ARHGAP24: variants seen among roughly 807,000 people sequenced by gnomAD.
ARHGAP24 encodes rho GTPase-activating protein 24.
Under a neutral mutation model 76.4 loss-of-function variants are expected in ARHGAP24, and 50 were observed. The observed-to-expected ratio is 0.65, with a 90% confidence interval of 0.52 to 0.83. ARHGAP24 has a LOEUF of 0.83. ARHGAP24 is among the 40% of genes least tolerant of loss of function. ARHGAP24 has a pLI of 0.00. For synonymous variants in ARHGAP24, 345 were observed against 323.3 expected (o/e 1.07, Z -0.72); for missense variants, 930 against 914.2 (o/e 1.02, Z -0.22).
intron 1 of ARHGAP24, among the ~76,000 whole-genome samples, chr4:85,501,979 A>G (rs1397709251): frequency 6.6e-6 from 1 of 152,156 alleles, no homozygotes; most frequent in Non-Finnish European, 1.5e-5. Context: ...TTAAATAGGG[A>G]ATCCTTTCCC....
At chr4:85,665,394 C>G (rs945890424) in intron 2 of ARHGAP24, among the ~76,000 whole-genome samples, 20 of 152,078 alleles carry the variant, frequency 1.3e-4, no homozygotes, top group East Asian at 1.9e-4. Flanking sequence ...CTTTTATTTT[C>G]AGCCTATGTG....
At chr4:85,765,606 G>T (rs1181611459) in intron 3 of ARHGAP24, among the ~76,000 whole-genome samples, 1 of 152,006 alleles carries the variant, frequency 6.6e-6, no homozygotes, top group Non-Finnish European at 1.5e-5. Context: ...TATTAAGAAA[G>T]AATATAATTA....
chr4:85,477,080 A>G (rs1227146267), intron 1 of ARHGAP24, among the ~76,000 whole-genome samples: 2 of 152,192 alleles, frequency 1.3e-5, no homozygotes, highest in Non-Finnish European at 2.9e-5. Context: ...CACAGGCAGT[A>G]TATTCTTGGT....
intron 1 of ARHGAP24, among the ~76,000 whole-genome samples, chr4:85,531,239 G>C (rs545953455): frequency 1.3e-5 from 2 of 151,944 alleles, no homozygotes; most frequent in Non-Finnish European, 2.9e-5. Flanking sequence ...TATGGGAGAG[G>C]ACATTATTGT....
chr4:85,526,517 T>C (rs1040383853), intron 1 of ARHGAP24, among the ~76,000 whole-genome samples: 8 of 152,036 alleles, frequency 5.3e-5, no homozygotes, highest in South Asian at 2.1e-4. Context: ...TGTTATATAC[T>C]AATGGTATGG....
chr4:85,731,854 C>T (rs549253894), intron 3 of ARHGAP24, among the ~76,000 whole-genome samples: 1 of 152,088 alleles, frequency 6.6e-6, no homozygotes, highest in African/African-American at 2.4e-5. Flanking sequence ...CACTAAGTAC[C>T]CCATAAATAT....
intron 2 of ARHGAP24, among the ~76,000 whole-genome samples, chr4:85,632,528 A>G (rs1250486744): frequency 6.6e-6 from 1 of 151,078 alleles, no homozygotes; most frequent in Non-Finnish European, 1.5e-5. Flanking sequence ...AAGGTAGCTT[A>G]TACATACTTG....
intron 2 of ARHGAP24, among the ~76,000 whole-genome samples, chr4:85,572,159 T>C (rs373436395): frequency 2.6e-5 from 4 of 152,358 alleles, no homozygotes; most frequent in African/African-American, 9.6e-5. Context: ...GGTTCTTTTC[T>C]AATTGCACCT....
chr4:85,643,802 C>G (rs1163130986), intron 2 of ARHGAP24, among the ~76,000 whole-genome samples: 1 of 152,064 alleles, frequency 6.6e-6, no homozygotes, highest in Non-Finnish European at 1.5e-5. Flanking sequence ...GTGAATGAAT[C>G]AATCAGTGAG....
intron 5 of ARHGAP24, among the ~76,000 whole-genome samples, chr4:85,967,485 T>G (rs1342053348): frequency 6.6e-6 from 1 of 152,070 alleles, no homozygotes; most frequent in Non-Finnish European, 1.5e-5. Flanking sequence ...AATTCTCCCT[T>G]TAAGTTTGTA....
chr4:85,552,215 T>C (rs1007505473), intron 1 of ARHGAP24, among the ~76,000 whole-genome samples: 4 of 152,184 alleles, frequency 2.6e-5, no homozygotes, highest in African/African-American at 9.7e-5. Context: ...CATTCTGGCA[T>C]GTTGTATCTT....
At chr4:85,647,543 T>TA (rs2109976883) in intron 2 of ARHGAP24, among the ~76,000 whole-genome samples, 1 of 152,230 alleles carries the variant, frequency 6.6e-6, no homozygotes, top group South Asian at 2.1e-4. Context: ...GCCTAACACT[T>TA]ACTTGTTACC....
chr4:85,635,892 C>T (rs571748977), intron 2 of ARHGAP24, among the ~76,000 whole-genome samples: 153 of 151,952 alleles, frequency 1.0e-3, no homozygotes, highest in African/African-American at 3.5e-3. Flanking sequence ...AATTTCCCTA[C>T]GCATTTCCTT....
In ARHGAP24 at chr4:85,703,264, A is replaced by G. The variant is rs574304595; in HGVS notation, c.181-18621A>G. Among the ~76,000 whole-genome samples, 4 of 152,292 alleles carry G rather than the reference A, an allele frequency of 2.6e-5. No homozygotes were observed. The South Asian group carries it at 6.2e-4, about 24-fold the overall frequency. ...TTCCCATTCTACAAATATTTTTAGT[A>G]CGTGTCATGTGAAAGGCACTACTGT... On this transcript the variant is annotated intron_variant, in intron 2 of 9. Coordinates refer to ENST00000395184, the MANE Select transcript of ARHGAP24 (RefSeq NM_001025616.3).
intron 1 of ARHGAP24, among the ~76,000 whole-genome samples, chr4:85,564,834 C>CTG (rs139700231): frequency 0.057 from 8,493 of 148,472 alleles, 809 homozygotes; most frequent in African/African-American, 0.2. Context: ...TCACCTCCTG[C>CTG]TGTGTGGCCC....
intron 3 of ARHGAP24, among the ~76,000 whole-genome samples, chr4:85,851,978 G>A (rs1731261467): frequency 6.6e-6 from 1 of 152,104 alleles, no homozygotes; most frequent in South Asian, 2.1e-4. Flanking sequence ...TGTATTTCTT[G>A]AATTTGAATG....
chr4:85,938,468 A>T (rs1736778294), intron 4 of ARHGAP24, among the ~76,000 whole-genome samples: 1 of 152,206 alleles, frequency 6.6e-6, no homozygotes, highest in African/African-American at 2.4e-5. Flanking sequence ...GGAAATTTTT[A>T]AATAAATCTG....
intron 2 of ARHGAP24, among the ~76,000 whole-genome samples, chr4:85,657,737 A>T (rs1722226146): frequency 6.6e-6 from 1 of 152,218 alleles, no homozygotes; most frequent in Non-Finnish European, 1.5e-5. Flanking sequence ...TAAAAATTTT[A>T]TGAAATGCCA....
intron 2 of ARHGAP24, among the ~76,000 whole-genome samples, chr4:85,694,336 C>T (rs1236399281): frequency 1.3e-5 from 2 of 151,630 alleles, no homozygotes; most frequent in Non-Finnish European, 1.5e-5. Flanking sequence ...TAGGTGGTGC[C>T]GGAAGAACAC....
Sources: gnomAD v4.1 joint callset for allele counts (sites outside exome capture counted in the v4.1 genomes callset) on GRCh38, gnomAD v4.1.1 for gene constraint, MANE v1.5 for transcripts, NCBI Gene and HGNC (gene_info 2026-07-23, HGNC 2026-07-21) for gene names.